CA10: variants seen among roughly 807,000 people sequenced by gnomAD.
The protein encoded by CA10 is carbonic anhydrase 10 (inactive), also known as carbonic anhydrase-related protein 10.
A neutral mutation model predicts 44.2 loss-of-function variants in CA10; 14 were observed. The ratio of observed to expected loss-of-function variants is 0.32; its 90% CI spans 0.21 to 0.50. CA10 has a LOEUF of 0.50. Ranked by LOEUF, CA10 falls within the 20% of genes least tolerant of loss-of-function variation. The probability of loss-of-function intolerance (pLI) is 0.99; values close to 1 mark genes in which losing one functional copy is unlikely to be tolerated. For synonymous variants in CA10, 159 were observed against 141.6 expected (o/e 1.12, Z -0.87); for missense variants, 350 against 409.7 (o/e 0.85, Z 1.26).
At chr17:51,978,474 T>C (rs1984538208) in intron 2 of CA10, among the ~76,000 whole-genome samples, 1 of 151,514 alleles carries the variant, frequency 6.6e-6, no homozygotes, top group Non-Finnish European at 1.5e-5. Flanking sequence ...TTCCAACAAA[T>C]GGTGCTGCTG....
chr17:51,988,457 G>A (rs1240448532), intron 2 of CA10, among the ~76,000 whole-genome samples: 1 of 152,014 alleles, frequency 6.6e-6, no homozygotes, highest in Non-Finnish European at 1.5e-5. Flanking sequence ...ATTATTAGAT[G>A]TTGAGTACCT....
intron 1 of CA10, among the ~76,000 whole-genome samples, chr17:52,090,934 T>G (rs1002246224): frequency 7.9e-5 from 12 of 152,240 alleles, no homozygotes; most frequent in African/African-American, 2.9e-4. Flanking sequence ...AAGATTTATG[T>G]AAATAGCTGC....
intron 3 of CA10, among the ~76,000 whole-genome samples, chr17:51,849,654 T>G (rs1978701150): frequency 6.6e-6 from 1 of 152,196 alleles, no homozygotes; most frequent in South Asian, 2.1e-4. Context: ...GCAAAGTGCT[T>G]CATAAAGAGT....
At chr17:51,854,774 T>G (rs189527150) in intron 3 of CA10, among the ~76,000 whole-genome samples, 7 of 152,346 alleles carry the variant, frequency 4.6e-5, no homozygotes, top group Admixed American at 2.6e-4. Flanking sequence ...CTTACTGTGG[T>G]GTCCACAGGG....
intron 2 of CA10, among the ~76,000 whole-genome samples, chr17:51,939,510 T>G (rs2144012880): frequency 6.6e-6 from 1 of 152,250 alleles, no homozygotes; most frequent in South Asian, 2.1e-4. Flanking sequence ...TGGTAGTGAC[T>G]ATGATGAACA....
intron 2 of CA10, among the ~76,000 whole-genome samples, chr17:51,949,520 G>A (rs969790900): frequency 6.6e-6 from 1 of 152,080 alleles, no homozygotes; most frequent in Non-Finnish European, 1.5e-5. Flanking sequence ...TGATTCCTTT[G>A]TCAAAATTTC....
intron 3 of CA10, among the ~76,000 whole-genome samples, chr17:51,832,175 G>C (rs909366308): frequency 6.6e-6 from 1 of 152,196 alleles, no homozygotes; most frequent in African/African-American, 2.4e-5. Context: ...TTCTTCATCT[G>C]TAATGTGGGG....
Position 51,979,886 on chromosome 17 carries a change from T to C in CA10, c.137-48754A>G, listed in dbSNP as rs921094044. 2.0e-5 allele frequency among the ~76,000 whole-genome samples: 3 copies of C among 152,126 alleles called. No individual in the cohort carries two copies. The South Asian group carries it at 6.2e-4, about 32-fold the overall frequency. On this transcript the variant is annotated intron_variant, in intron 2 of 8. Coordinates refer to ENST00000451037, the MANE Select transcript of CA10 (RefSeq NM_020178.5). ...TTTAAGACTGCATAGTATCCCATGG[T>C]ATATTTGTACCTCATTTTCTTTATC...
chr17:51,672,164 A>G (rs537359733), intron 4 of CA10, among the ~76,000 whole-genome samples: 3 of 152,338 alleles, frequency 2.0e-5, no homozygotes, highest in South Asian at 2.1e-4. Context: ...TAAGTTACCC[A>G]TATTCCCACA....
chr17:51,747,795 A>G lies in CA10; in HGVS notation c.303T>C (p.Thr101=), dbSNP rs1188719484. The G allele has an allele frequency of 1.2e-6, 2 of 1,613,180 alleles. No homozygotes were observed. The highest frequency in any genetic ancestry group is 1.3e-5 in the African/African-American group (1 of 74,930). The part of the protein sequence containing the change: ...GRKVSGTMYN[T]GRHVSLRLDK... ...CCAGGCGAAGGGATACGTGTCTTCC[A>G]GTGTTGTACATGGTCCCACTGACCT... The change falls in exon 4 of 9, where the codon ACT becomes ACC. Residue 101 remains threonine (T), a synonymous_variant. Coordinates refer to ENST00000451037, the MANE Select transcript of CA10 (RefSeq NM_020178.5).
intron 2 of CA10, among the ~76,000 whole-genome samples, chr17:52,009,218 A>C (rs1359768756): frequency 1.3e-5 from 2 of 151,862 alleles, no homozygotes; most frequent in Non-Finnish European, 2.9e-5. Flanking sequence ...CTTTTATGCC[A>C]CTTATTGTTT....
intron 3 of CA10, among the ~76,000 whole-genome samples, chr17:51,852,495 T>C (rs1300125002): frequency 6.6e-6 from 1 of 152,238 alleles, no homozygotes; most frequent in Non-Finnish European, 1.5e-5. Context: ...TTAGTCATCA[T>C]GGCAGTTAAG....
Position 51,960,824 on chromosome 17 carries a change from G to A in CA10, c.137-29692C>T, listed in dbSNP as rs377572125. Among the ~76,000 whole-genome samples, 6 of 152,262 alleles carry A rather than the reference G, an allele frequency of 3.9e-5. No homozygotes were observed. In the East Asian group the frequency reaches 9.6e-4, roughly 24 times the overall value. On this transcript the variant is annotated intron_variant, in intron 2 of 8. Coordinates refer to ENST00000451037, the MANE Select transcript of CA10 (RefSeq NM_020178.5). ...CATTAGAACATATTCTGAACTAAGT[G>A]AAAATGAAAATACCACAAGTGATGG...
intron 3 of CA10, among the ~76,000 whole-genome samples, chr17:51,756,473 T>C (rs1448345824): frequency 7.2e-5 from 1 of 13,812 alleles, no homozygotes; most frequent in South Asian, 1.9e-3. Flanking sequence ...GAGGTAGTTG[T>C]TTTTTTTTTT....
intron 2 of CA10, among the ~76,000 whole-genome samples, chr17:52,014,734 T>C (rs1433696268): frequency 6.6e-6 from 1 of 151,410 alleles, no homozygotes; most frequent in East Asian, 1.9e-4. Context: ...CAGAACTCTG[T>C]CACTTTGATA....
rs920212609 is a variant in CA10, at chr17:51,635,839, C to T, written c.789+16G>A. ...TCATTCTTCTCCATTAGCTAAATGA[C>T]CAGAGAGAAACTCACCTGCATCCTG... On this transcript the variant is annotated intron_variant, in intron 7 of 8. Coordinates refer to ENST00000451037, the MANE Select transcript of CA10 (RefSeq NM_020178.5). The T allele has an allele frequency of 1.9e-5, 30 of 1,540,454 alleles. No individual in the cohort carries two copies. Among genetic ancestry groups the T allele is most frequent in the Non-Finnish European group, 2.5e-5 (28 of 1,137,610 alleles).
intron 6 of CA10, among the ~76,000 whole-genome samples, 196 bp downstream of exon 6, chr17:51,648,985 CA>C (rs1913450468): frequency 6.6e-6 from 1 of 151,460 alleles, no homozygotes; most frequent in South Asian, 2.1e-4. Flanking sequence ...GCATGGATGA[CA>C]AAGGCACCCT....
At chr17:52,157,563 C>A (rs1989834081) in intron 1 of CA10, among the ~76,000 whole-genome samples, 163 bp downstream of exon 1, 2 of 149,468 alleles carry the variant, frequency 1.3e-5, no homozygotes, top group South Asian at 4.3e-4. Flanking sequence ...TTCACACACC[C>A]TTGGGCTGAG....
chr17:51,839,369 T>C (rs1211384973), intron 3 of CA10, among the ~76,000 whole-genome samples: 2 of 151,768 alleles, frequency 1.3e-5, no homozygotes, highest in South Asian at 4.2e-4. Context: ...GGCATGAGCC[T>C]GTAGTCCCAG....
Sources: gnomAD v4.1 joint callset for allele counts (sites outside exome capture counted in the v4.1 genomes callset) on GRCh38, gnomAD v4.1.1 for gene constraint, MANE v1.5 for transcripts, NCBI Gene and HGNC (gene_info 2026-07-23, HGNC 2026-07-21) for gene names.